Variants in SORT1 observed in about 807,000 individuals in gnomAD.
The protein encoded by SORT1 is sortilin 1, also known as sortilin.
Under a neutral mutation model 101.7 loss-of-function variants are expected in SORT1, and 39 were observed. The observed-to-expected ratio is 0.38, with a 90% CI of 0.30 to 0.50. The LOEUF is 0.50. Among genes scored for constraint, SORT1 ranks in the 20% least tolerant of loss-of-function variants. SORT1 has a pLI of 0.90. For missense variants in SORT1, 878 were observed against 1,040.4 expected, an observed-to-expected ratio of 0.84 and a Z score of 2.15; for synonymous variants, 396 against 393.7, an observed-to-expected ratio of 1.01 and a Z score of -0.07.
At chr1:109,319,343 G>A (rs1030491411) in intron 15 of SORT1, among the ~76,000 whole-genome samples, 29 of 152,040 alleles carry the variant, frequency 1.9e-4, no homozygotes, top group African/African-American at 5.8e-4. Context: ...CCCCTCCTCC[G>A]ACCTGCCCTG....
intron 3 of SORT1, among the ~76,000 whole-genome samples, chr1:109,356,247 G>A (rs1208732019): frequency 6.6e-6 from 1 of 152,172 alleles, no homozygotes; most frequent in Admixed American, 6.5e-5. Context: ...CAGCGATGTT[G>A]CCAAACATCC....
chr1:109,327,546 A>G lies in SORT1; in HGVS notation c.1427T>C (p.Met476Thr), dbSNP rs1648168070. 15 of 1,612,478 alleles carry G rather than the reference A, an allele frequency of 9.3e-6. No individual in the cohort carries two copies. Among genetic ancestry groups the G allele is most frequent in the Non-Finnish European group, 1.3e-5 (15 of 1,179,538 alleles). Residue 476 changes from methionine (M) to threonine (T), a missense_variant, in exon 12 of 20, where the codon ATG becomes ACG. Physicochemically the swap from Met to Thr is moderately conservative, Grantham distance 81. This residue lies in a region of SORT1 where 684 missense variants were observed against 894.5 expected (regional missense o/e 0.76). Transcript: ENST00000256637. ...GGCATTCGGCTCTGAGAGTGGGGCC[A>G]TTGGAACATTCAGTTTCTGGGAGAT... ...YSISQKLNVP[M>T]APLSEPNAVG...
chr1:109,314,052 G>A lies in SORT1; in HGVS notation c.2487C>T (p.Leu829=), dbSNP rs375013982. ...CAGCTCCTCTGAAGAGCTATTCCAA[G>A]AGGTCCTGAAAAAGACATGCACCAT... ...SGYHDDSDED[L]LE is the part of the protein sequence containing the mutation. Residue 829 remains leucine (L), a synonymous_variant, in exon 20 of 20, where the codon CTC becomes CTT. Transcript: ENST00000256637. 57 of 1,613,976 alleles carry A rather than the reference G, an allele frequency of 3.5e-5. No individual in the cohort carries two copies. In the African/African-American group the frequency reaches 7.3e-4, roughly 21 times the overall value.
chr1:109,380,813 C>CAAAAAAAAAAAA (rs60568166), intron 1 of SORT1, among the ~76,000 whole-genome samples: 5 of 49,224 alleles, frequency 1.0e-4, no homozygotes, highest in African/African-American at 3.8e-4. Flanking sequence ...CCTGTCGCCA[C>CAAAAAAAAAAAA]AAAAAAAAAA....
rs10540637 is a variant in SORT1, at chr1:109,351,965, G to GGTGTGTGTGT, written c.709-973_709-964dup. ...CCTGCAGGGCAGGATGAGAGGTAGG[G>GGTGTGTGTGT]GTGTGTGTGTGTGTGTGTGTGTGTG... is the stretch of plus-strand genomic sequence containing the variant. On this transcript the variant is annotated intron_variant, in intron 5 of 19. Transcript: ENST00000256637. Among the ~76,000 whole-genome samples, 102 of 147,508 alleles carry GGTGTGTGTGT rather than the reference G, an allele frequency of 6.9e-4. 1 individual carries two copies. Among genetic ancestry groups the GGTGTGTGTGT allele is most frequent in the African/African-American group, 2.3e-3 (93 of 39,788 alleles).
At chr1:109,349,878 GATTCCTAGAGTACAGGA>G (rs1193614791) in intron 6 of SORT1, among the ~76,000 whole-genome samples, 1 of 152,156 alleles carries the variant, frequency 6.6e-6, no homozygotes, top group South Asian at 2.1e-4. Context: ...ACACTTTCCT[GATTCCTAGAGTACAGGA>G]AACTCTTGGG....
chr1:109,367,097 T>C (rs1026578122), intron 3 of SORT1: 2 of 220,886 alleles, frequency 9.1e-6, no homozygotes, highest in African/African-American at 2.3e-5. Flanking sequence ...CATGGTAGCG[T>C]GTGCCTGCAG....
chr1:109,369,188 G>T (rs1651306669), intron 2 of SORT1, among the ~76,000 whole-genome samples: 1 of 152,174 alleles, frequency 6.6e-6, no homozygotes, highest in Non-Finnish European at 1.5e-5. Flanking sequence ...TGTGCATGGT[G>T]GTGGGTGCCT....
At chr1:109,329,532 C>T (rs1016183244) in intron 11 of SORT1, among the ~76,000 whole-genome samples, 2 of 152,124 alleles carry the variant, frequency 1.3e-5, no homozygotes, top group African/African-American at 4.8e-5. Context: ...GGATTACAGG[C>T]GTGAGCCACC....
At chr1:109,326,584 C>T (rs1485702857) in intron 13 of SORT1, among the ~76,000 whole-genome samples, 1 of 147,896 alleles carries the variant, frequency 6.8e-6, no homozygotes, top group Non-Finnish European at 1.5e-5. Context: ...CATATATACA[C>T]ACACACATAT....
intron 3 of SORT1, among the ~76,000 whole-genome samples, chr1:109,359,843 T>C (rs931925029): frequency 2.6e-5 from 4 of 152,092 alleles, no homozygotes; most frequent in Non-Finnish European, 5.9e-5. Context: ...AGTCTAAAAT[T>C]GAAAGTGTCA....
chr1:109,337,525 G>A (rs1249506275), intron 10 of SORT1, among the ~76,000 whole-genome samples: 2 of 152,122 alleles, frequency 1.3e-5, no homozygotes, highest in Non-Finnish European at 2.9e-5. Flanking sequence ...TTACAGGTGT[G>A]AGCCACTGTG....
chr1:109,327,371 G>T, intron 12 of SORT1, 128 bp downstream of exon 12: 1 of 716,616 alleles, frequency 1.4e-6, no homozygotes, highest in Non-Finnish European at 2.3e-6. Context: ...TATAATGTAA[G>T]AAATTCTACC....
intron 10 of SORT1, among the ~76,000 whole-genome samples, chr1:109,340,265 A>C (rs894032141): frequency 3.9e-5 from 6 of 152,214 alleles, no homozygotes; most frequent in Admixed American, 6.5e-5. Context: ...AATGTGGCTG[A>C]ACTTTGAAAC....
At chr1:109,387,292 C>G (rs1441032802) in intron 1 of SORT1, among the ~76,000 whole-genome samples, 1 of 151,470 alleles carries the variant, frequency 6.6e-6, no homozygotes, top group African/African-American at 2.4e-5. Flanking sequence ...GACTCAGTCT[C>G]AAAAAATAAA....
intron 1 of SORT1, among the ~76,000 whole-genome samples, chr1:109,373,223 A>AC (rs1651604658): frequency 6.6e-6 from 1 of 152,212 alleles, no homozygotes; most frequent in African/African-American, 2.4e-5. Flanking sequence ...AATTTCAGGC[A>AC]CAGTGCAGGG....
chr1:109,392,109 T>A (rs745929350), intron 1 of SORT1, among the ~76,000 whole-genome samples: 1 of 152,228 alleles, frequency 6.6e-6, no homozygotes, highest in Non-Finnish European at 1.5e-5. Flanking sequence ...GCCTCATTTC[T>A]GCAGCCTCAA....
In SORT1 at chr1:109,387,734, C is replaced by T. The variant is rs187567741; in HGVS notation, c.306+9853G>A. 1.2e-3 allele frequency among the ~76,000 whole-genome samples: 178 copies of T among 152,102 alleles called. 1 individual carries two copies. The highest frequency in any genetic ancestry group is 4.1e-3 in the African/African-American group (172 of 41,492). ...CTTTGGGGCCGAGGTGGGTGGATCA[C>T]GAGGTCAGGAGTTTAAGACCAGCCT... On this transcript the variant is annotated intron_variant, in intron 1 of 19. Transcript: ENST00000256637.
chr1:109,326,458 TATATATACATAC>T (rs1192101445), intron 13 of SORT1, among the ~76,000 whole-genome samples: 416 of 35,278 alleles, frequency 0.012, 16 homozygotes, highest in East Asian at 0.067. Flanking sequence ...TATATATATA[TATATATACATAC>T]ACACACACAC....
Sources: allele counts gnomAD v4.1 joint callset (sites outside exome capture counted in the v4.1 genomes callset), GRCh38; gene constraint gnomAD v4.1.1; regional missense constraint gnomAD v4.1.1; transcripts MANE v1.5; gene names NCBI Gene and HGNC (gene_info 2026-07-23, HGNC 2026-07-21).